The following GLUD1 variants were observed in gnomAD, a reference collection of about 807,000 sequenced individuals.
GLUD1 encodes the protein glutamate dehydrogenase 1, mitochondrial.
Under a neutral mutation model 56.0 loss-of-function variants are expected in GLUD1, and 22 were observed. The ratio of observed to expected loss-of-function variants is 0.39; its 90% CI spans 0.28 to 0.56. GLUD1 has a LOEUF of 0.56. Among genes scored for constraint, GLUD1 ranks in the 20% least tolerant of loss-of-function variants. The pLI, the probability that GLUD1 is intolerant of heterozygous loss-of-function variation, is 0.58. For missense variants in GLUD1, 451 were observed against 732.0 expected, an observed-to-expected ratio of 0.62 and a Z score of 4.43; for synonymous variants, 223 against 269.9, an observed-to-expected ratio of 0.83 and a Z score of 1.70.
At chr10:87,085,483 A>G (rs1841360524) in intron 1 of GLUD1, among the ~76,000 whole-genome samples, 1 of 152,200 alleles carries the variant, frequency 6.6e-6, no homozygotes, top group African/African-American at 2.4e-5. Flanking sequence ...ACCTGAATAA[A>G]TTTTGAAGAG....
At chr10:87,062,106 C>A (rs1845954164) in intron 6 of GLUD1, among the ~76,000 whole-genome samples, 1 of 152,144 alleles carries the variant, frequency 6.6e-6, no homozygotes, top group African/African-American at 2.4e-5. Context: ...TTAGTAGAGA[C>A]AGGGTTTCAC....
chr10:87,061,381 T>C (rs1845924928), intron 6 of GLUD1, among the ~76,000 whole-genome samples: 1 of 151,858 alleles, frequency 6.6e-6, no homozygotes, highest in Non-Finnish European at 1.5e-5. Context: ...AAATTAGGCA[T>C]GGGGTCCGTG....
At position 87,074,802 on chromosome 10, in the gene GLUD1, T is replaced by TA. The variant is rs1297743690; in HGVS notation, c.583-189dup. Among the ~76,000 whole-genome samples, 3 of 152,274 alleles carry TA rather than the reference T, an allele frequency of 2.0e-5. No individual in the cohort carries two copies. The East Asian group carries it at 5.8e-4, about 29-fold the overall frequency. On this transcript the variant is annotated intron_variant, in intron 3 of 12. Transcript: ENST00000277865. The stretch of plus-strand genomic sequence containing the variant: ...AATAAGGGATCAAAAAAGTAGGTTA[T>TA]AAAAACAAGATAGTAGAACTAGGGC...
At position 87,062,843 on chromosome 10, in the gene GLUD1, A is replaced by AG. The variant is rs1420854723; in HGVS notation, c.742-9dup. ...GGCGTGTGCATTAATATCCTGTAAG[A>AG]GGGGGTAATTGAAAGAATGAAATGT... On this transcript the variant is annotated splice_polypyrimidine_tract_variant and intron_variant, in intron 5 of 12. Transcript: ENST00000277865. 3.1e-6 allele frequency: 5 copies of AG among 1,612,824 alleles called. No homozygotes were observed. The highest frequency in any genetic ancestry group is 4.2e-6 in the Non-Finnish European group (5 of 1,178,962).
chr10:87,061,914 G>A (rs1845946901), intron 6 of GLUD1, among the ~76,000 whole-genome samples: 1 of 152,182 alleles, frequency 6.6e-6, no homozygotes, highest in Non-Finnish European at 1.5e-5. Context: ...CTCCAGAGTA[G>A]CTGGGACTAC....
chr10:87,072,174 G>A (rs1257582987), intron 4 of GLUD1, among the ~76,000 whole-genome samples: 1 of 152,184 alleles, frequency 6.6e-6, no homozygotes, highest in Admixed American at 6.5e-5. Flanking sequence ...TTGGGAGGGT[G>A]AGGTGAGAGG....
chr10:87,065,023 G>A (rs1180057630), intron 5 of GLUD1, among the ~76,000 whole-genome samples: 1 of 151,952 alleles, frequency 6.6e-6, no homozygotes, highest in African/African-American at 2.4e-5. Context: ...CTTCCTTTAG[G>A]GCTTGATTTT....
intron 1 of GLUD1, among the ~76,000 whole-genome samples, chr10:87,080,637 C>T (rs1841204054): frequency 6.6e-6 from 1 of 150,452 alleles, no homozygotes; most frequent in Admixed American, 6.6e-5. Flanking sequence ...GCGACCCCGT[C>T]TGGGAGGTGA....
At chr10:87,093,098 T>C (rs143866443) in intron 1 of GLUD1, among the ~76,000 whole-genome samples, 1 of 152,318 alleles carries the variant, frequency 6.6e-6, no homozygotes, top group East Asian at 1.9e-4. Flanking sequence ...ATTTAGTAAA[T>C]CTTTAAAAAC....
Position 87,094,306 on chromosome 10 carries a change from G to A in GLUD1, c.445+19C>T. The stretch of plus-strand genomic sequence containing the variant: ...CAGGGGAGGCAGGGAGGGCGGGACG[G>A]GGCCCGGCCGACGCTCACCTCCCTT... On this transcript the variant is annotated intron_variant, in intron 1 of 12. Transcript: ENST00000277865. This position sits in a 1 kb window ranked among gnomAD's most constrained non-coding sequence, Gnocchi z 6.6. The A allele has an allele frequency of 6.3e-7, 1 of 1,589,540 alleles. No homozygotes were observed.
At chr10:87,079,217 C>A (rs1191552640) in intron 1 of GLUD1, among the ~76,000 whole-genome samples, 1 of 147,648 alleles carries the variant, frequency 6.8e-6, no homozygotes, top group African/African-American at 2.5e-5. Flanking sequence ...AGATAAAGCC[C>A]ACAGAAAAGG....
chr10:87,083,829 A>C (rs2133847608), intron 1 of GLUD1, among the ~76,000 whole-genome samples: 1 of 152,206 alleles, frequency 6.6e-6, no homozygotes, highest in East Asian at 1.9e-4. Context: ...ACACACACAC[A>C]CACACACACG....
intron 1 of GLUD1, among the ~76,000 whole-genome samples, chr10:87,084,030 C>A (rs1399157320): frequency 1.3e-5 from 2 of 152,154 alleles, no homozygotes; most frequent in Non-Finnish European, 2.9e-5. Context: ...AGAACTGATG[C>A]CATTAGAAAC....
chr10:87,059,762 A>T (rs991051361), intron 9 of GLUD1, among the ~76,000 whole-genome samples: 12 of 152,136 alleles, frequency 7.9e-5, no homozygotes, highest in African/African-American at 2.2e-4. Flanking sequence ...GTGTAGACTC[A>T]TTTTTACTTG....
At chr10:87,072,715 T>C (rs946683769) in intron 4 of GLUD1, among the ~76,000 whole-genome samples, 19 of 152,202 alleles carry the variant, frequency 1.2e-4, no homozygotes, top group African/African-American at 4.6e-4. Flanking sequence ...TCTGATAAAA[T>C]TAAGCTGGAG....
intron 1 of GLUD1, among the ~76,000 whole-genome samples, chr10:87,081,712 T>C (rs935725467): frequency 2.6e-5 from 4 of 152,082 alleles, no homozygotes; most frequent in Admixed American, 6.5e-5. Flanking sequence ...TTAAGGGCAG[T>C]GCAAGATGTG....
rs1451236716 is a variant in GLUD1 at position 87,075,647 on chromosome 10, T to C, written c.582+321A>G. ...GCACAAATGTCACTTTGAGGCCGGGTGCGGTGGCTCATGCCTGCAATCCTA... is the reference window on the plus strand; with the variant it reads ...GCACAAATGTCACTTTGAGGCCGGGCGCGGTGGCTCATGCCTGCAATCCTA... On this transcript the variant is annotated intron_variant, in intron 3 of 12. Transcript: ENST00000277865. 2.6e-5 allele frequency among the ~76,000 whole-genome samples: 4 copies of C among 152,150 alleles called. No individual in the cohort carries two copies. In the East Asian group the frequency reaches 7.7e-4, roughly 29 times the overall value.
intron 1 of GLUD1, among the ~76,000 whole-genome samples, chr10:87,086,440 T>A (rs1841383196): frequency 6.6e-6 from 1 of 152,226 alleles, no homozygotes; most frequent in African/African-American, 2.4e-5. Context: ...TTTCATTCTC[T>A]GCTATTAACT....
intron 1 of GLUD1, among the ~76,000 whole-genome samples, chr10:87,077,785 T>C (rs1208068825): frequency 6.6e-6 from 1 of 152,026 alleles, no homozygotes; most frequent in Non-Finnish European, 1.5e-5. Context: ...TGGGTGTTTG[T>C]GTGTGAAGGA....
Sources: allele counts gnomAD v4.1 joint callset (sites outside exome capture counted in the v4.1 genomes callset), GRCh38; gene constraint gnomAD v4.1.1; non-coding constraint Gnocchi (gnomAD v3.1); transcripts MANE v1.5; gene names NCBI Gene and HGNC (gene_info 2026-07-23, HGNC 2026-07-21).